TNFRSF19: variants seen among roughly 807,000 people sequenced by gnomAD.
TNFRSF19 encodes tumor necrosis factor receptor superfamily member 19.
In TNFRSF19, 27 loss-of-function variants were observed where a neutral mutation model predicts 46.4. That is an observed-to-expected ratio of 0.58 (90% CI 0.43 to 0.80). TNFRSF19 has a LOEUF of 0.80. Ranked by LOEUF, TNFRSF19 falls within the 30% of genes least tolerant of loss-of-function variation. TNFRSF19 has a pLI of 0.00. For missense variants in TNFRSF19, 511 were observed against 530.8 expected, an observed-to-expected ratio of 0.96 and a Z score of 0.37; for synonymous variants, 204 against 205.0, an observed-to-expected ratio of 1.00 and a Z score of 0.04.
chr13:23,586,838 GTAT>G, intron 1 of TNFRSF19, among the ~76,000 whole-genome samples: 1 of 152,254 alleles, frequency 6.6e-6, no homozygotes, highest in Admixed American at 6.5e-5. Context: ...GCCAAGCTGC[GTAT>G]TGTTGTTGAA....
At chr13:23,635,922 T>C (rs541340396) in intron 5 of TNFRSF19, among the ~76,000 whole-genome samples, 12 of 152,306 alleles carry the variant, frequency 7.9e-5, no homozygotes, top group African/African-American at 2.9e-4. Flanking sequence ...TAAAATTCAG[T>C]GAGTTTTGAT....
At chr13:23,581,776 A>G (rs7999155) in intron 1 of TNFRSF19, among the ~76,000 whole-genome samples, 44,503 of 152,002 alleles carry the variant, frequency 0.29, 6,629 homozygotes, top group South Asian at 0.34. Context: ...ACCTGTGCTT[A>G]ACTCAATCCC....
At chr13:23,574,462 GT>G (rs35658802) in intron 1 of TNFRSF19, among the ~76,000 whole-genome samples, 28,480 of 148,672 alleles carry the variant, frequency 0.19, 2,997 homozygotes, top group East Asian at 0.47. Context: ...ATGGGCTCCA[GT>G]TTTTTTTTTT....
Position 23,659,270 on chromosome 13 carries a change from A to G in TNFRSF19, c.610+56A>G, listed in dbSNP as rs1407181323. ...ATTTAGGGGAAGGGCATTTATTACT[A>G]TTGTCGTGCAAGTGTTCCACAAGAG... On this transcript the variant is annotated intron_variant, in intron 6 of 9. Transcript: ENST00000248484. The surrounding 1 kb of genome is among the most constrained non-coding windows in gnomAD (Gnocchi z 4.9). 1 of 1,542,180 alleles carries G rather than the reference A, an allele frequency of 6.5e-7. No homozygotes were observed. Among genetic ancestry groups the G allele is most frequent in the East Asian group, 2.3e-5 (1 of 44,142 alleles).
At chr13:23,617,917 A>C (rs1242376506) in intron 4 of TNFRSF19, among the ~76,000 whole-genome samples, 2 of 152,158 alleles carry the variant, frequency 1.3e-5, no homozygotes, top group East Asian at 3.9e-4. Context: ...CTCTAACTGG[A>C]TCGACCACAA....
At chr13:23,579,718 C>T (rs1322247021) in intron 1 of TNFRSF19, among the ~76,000 whole-genome samples, 1 of 152,180 alleles carries the variant, frequency 6.6e-6, no homozygotes, top group African/African-American at 2.4e-5. Context: ...GACCGGGTCT[C>T]GGGGCCGTGA....
intron 5 of TNFRSF19, among the ~76,000 whole-genome samples, chr13:23,646,169 C>T (rs112454229): frequency 2.0e-3 from 308 of 152,316 alleles, no homozygotes; most frequent in African/African-American, 7.3e-3. Flanking sequence ...CTCTTTCCCT[C>T]CCCGGTCAGC....
chr13:23,636,178 T>C (rs1329436472), intron 5 of TNFRSF19, among the ~76,000 whole-genome samples: 1 of 152,236 alleles, frequency 6.6e-6, no homozygotes, highest in African/African-American at 2.4e-5. Context: ...ACCAACGGGT[T>C]ATGTTATGAA....
At chr13:23,655,445 A>G (rs182730585) in intron 5 of TNFRSF19, among the ~76,000 whole-genome samples, 29 of 152,368 alleles carry the variant, frequency 1.9e-4, no homozygotes, top group Admixed American at 1.8e-3. Flanking sequence ...AAAACTTTCC[A>G]AGGCATGTGG....
rs533403703 is a variant in TNFRSF19, at chr13:23,632,771, T to G, written c.445+5979T>G. ...CTTTAAATCTCTCCCTTGGAACTCA[T>G]TTATTTTTTGTTGCAAGCATTACTG... On this transcript the variant is annotated intron_variant, in intron 5 of 9. Transcript: ENST00000248484. 3.3e-5 allele frequency among the ~76,000 whole-genome samples: 5 copies of G among 152,268 alleles called. No homozygotes were observed. In the East Asian group the frequency reaches 9.7e-4, roughly 29 times the overall value.
intron 5 of TNFRSF19, among the ~76,000 whole-genome samples, chr13:23,635,586 C>T (rs1027454378): frequency 6.6e-5 from 10 of 152,138 alleles, no homozygotes; most frequent in Non-Finnish European, 4.4e-5. Flanking sequence ...ACTATGTTGG[C>T]CACGCTGGTC....
rs758091492 is a variant in TNFRSF19, at chr13:23,633,818, C to T, written c.445+7026C>T. Among the ~76,000 whole-genome samples, 75 of 152,168 alleles carry T rather than the reference C, an allele frequency of 4.9e-4. 1 individual carries two copies. The highest frequency in any genetic ancestry group is 2.0e-4 in the Admixed American group (3 of 15,280). On this transcript the variant is annotated intron_variant, in intron 5 of 9. Transcript: ENST00000248484. ...GAGCCGAGATCGTACCGTTGCACTC[C>T]AGCCTGGGTGACAAGAGCGAAACTC...
In TNFRSF19 at chr13:23,674,532, G is replaced by C. The variant is rs545014965; in HGVS notation, c.*1152G>C. 3 of 152,274 alleles carry C rather than the reference G, an allele frequency of 2.0e-5. No individual in the cohort carries two copies. The East Asian group carries it at 5.8e-4, about 29-fold the overall frequency. 9.4% of individuals were successfully genotyped at this position (152,274 alleles called of 1,614,324 possible). Reference sequence around the variant, plus strand: ...CCGGTGTTGGATTTAAGAGGACGGTGCTTCTTTCTATTAAAGTGCTCCATC... The same window carrying C: ...CCGGTGTTGGATTTAAGAGGACGGTCCTTCTTTCTATTAAAGTGCTCCATC... On this transcript the variant is annotated 3_prime_UTR_variant, in exon 10 of 10. Transcript: ENST00000248484.
At chr13:23,590,294 G>A in intron 2 of TNFRSF19, 42 bp downstream of exon 2, 1 of 1,258,916 alleles carries the variant, frequency 7.9e-7, no homozygotes, top group South Asian at 1.3e-5. Context: ...TGTGGTGAAA[G>A]AATTCATGTA....
At chr13:23,627,989 A>C (rs1882116514) in intron 5 of TNFRSF19, among the ~76,000 whole-genome samples, 1 of 152,096 alleles carries the variant, frequency 6.6e-6, no homozygotes, top group African/African-American at 2.4e-5. Context: ...GTAAACATTC[A>C]CCAAATAATT....
intron 5 of TNFRSF19, among the ~76,000 whole-genome samples, chr13:23,642,859 C>G (rs961149864): frequency 3.9e-5 from 6 of 152,234 alleles, no homozygotes; most frequent in Non-Finnish European, 4.4e-5. Context: ...TTCCAGTTTA[C>G]TCCTCATTGA....
rs148032767 is a variant in TNFRSF19, at chr13:23,616,680, T to TC, written c.359+636dup. ...TCAGTGCAACCTGTGCCTCCCAGGT[T>TC]CAAGTGATTCTTCTGCCTCAGCCTC... On this transcript the variant is annotated intron_variant, in intron 4 of 9. Coordinates refer to ENST00000248484, the MANE Select transcript of TNFRSF19 (RefSeq NM_148957.4). 7.9e-3 allele frequency among the ~76,000 whole-genome samples: 1,208 copies of TC among 152,304 alleles called. 28 individuals are homozygous for TC. Among genetic ancestry groups the TC allele is most frequent in the East Asian group, 0.055 (286 of 5,172 alleles).
intron 2 of TNFRSF19, among the ~76,000 whole-genome samples, chr13:23,590,647 C>G (rs1409300124): frequency 2.0e-5 from 3 of 152,102 alleles, no homozygotes; most frequent in Admixed American, 2.0e-4. Context: ...AAATTATTTT[C>G]TATTTCTGAT....
intron 5 of TNFRSF19, among the ~76,000 whole-genome samples, chr13:23,644,168 T>G (rs1219253732): frequency 6.6e-6 from 1 of 152,210 alleles, no homozygotes; most frequent in African/African-American, 2.4e-5. Context: ...TATAAACCAA[T>G]GTTGCAACAT....
Sources: gnomAD v4.1 joint callset for allele counts (sites outside exome capture counted in the v4.1 genomes callset) on GRCh38, gnomAD v4.1.1 for gene constraint, Gnocchi (gnomAD v3.1) non-coding constraint, MANE v1.5 for transcripts, NCBI Gene and HGNC (gene_info 2026-07-23, HGNC 2026-07-21) for gene names.